Variants in LIMA1 observed in about 807,000 individuals in gnomAD.
The protein encoded by LIMA1 is LIM domain and actin-binding protein 1.
A neutral mutation model predicts 62.6 loss-of-function variants in LIMA1; 52 were observed. The observed-to-expected ratio is 0.83, with a 90% CI of 0.67 to 1.05. The LOEUF (loss-of-function observed/expected upper bound fraction) is 1.05, where lower values mean the gene tolerates loss of function less well. Ranked by LOEUF, LIMA1 falls within the 50% of genes least tolerant of loss-of-function variation. LIMA1 has a pLI of 0.00. For missense variants in LIMA1, 780 were observed against 902.2 expected (o/e 0.86, Z 1.74); for synonymous variants, 302 against 317.8 (o/e 0.95, Z 0.53).
At chr12:50,255,448 C>T (rs1009220077) in intron 1 of LIMA1, among the ~76,000 whole-genome samples, 5 of 150,898 alleles carry the variant, frequency 3.3e-5, no homozygotes, top group Admixed American at 1.3e-4. Flanking sequence ...GTCCCAGCTA[C>T]TCAAGAGGCT....
intron 3 of LIMA1, among the ~76,000 whole-genome samples, chr12:50,227,137 T>C (rs140580358): frequency 1.6e-4 from 24 of 152,134 alleles, no homozygotes; most frequent in African/African-American, 4.8e-4. Context: ...TATCTCTAGA[T>C]AGACATCTCT....
At chr12:50,224,895 C>CTTTTTTT (rs1565848543) in intron 3 of LIMA1, among the ~76,000 whole-genome samples, 1 of 142,704 alleles carries the variant, frequency 7.0e-6, no homozygotes, top group African/African-American at 2.7e-5. Context: ...GCATGCCTGG[C>CTTTTTTT]ATTTTTTTTT....
intron 10 of LIMA1, 73 bp downstream of exon 10, chr12:50,181,831 C>A: frequency 1.3e-6 from 2 of 1,514,652 alleles, no homozygotes; most frequent in Non-Finnish European, 1.8e-6. Context: ...CTTTTAGCAC[C>A]AGTGCTCTAA....
At chr12:50,189,552 C>T (rs546728340) in intron 9 of LIMA1, 9 of 152,292 alleles carry the variant, frequency 5.9e-5, no homozygotes, top group South Asian at 2.1e-4. Context: ...GTAATCCAAA[C>T]GAGTGAAGTA....
Position 50,177,769 on chromosome 12 carries a change from G to A in LIMA1, c.1575C>T (p.Thr525=), listed in dbSNP as rs1940386324. The change falls in exon 11 of 11, where the codon ACC becomes ACT. Residue 525 remains threonine (T), a synonymous_variant. Coordinates refer to ENST00000341247, the MANE Select transcript of LIMA1 (RefSeq NM_016357.5). ...GTGGCCAGGCGATCCTCAGCTTCTT[G>A]GTTTCAGCTGGCTTGTCTTCCTTCT... ...QQEKEDKPAE[T]KKLRIAWPPP... is the part of the protein sequence containing the mutation. 2 of 1,613,998 alleles carry A rather than the reference G, an allele frequency of 1.2e-6. No homozygotes were observed. The highest frequency in any genetic ancestry group is 2.7e-5 in the African/African-American group (2 of 74,896).
At chr12:50,226,834 T>C (rs1327820190) in intron 3 of LIMA1, among the ~76,000 whole-genome samples, 1 of 141,306 alleles carries the variant, frequency 7.1e-6, no homozygotes, top group Non-Finnish European at 1.5e-5. Flanking sequence ...CAAGATTCCA[T>C]ATGAAAAAAA....
At chr12:50,267,401 G>A (rs1360500386) in intron 1 of LIMA1, among the ~76,000 whole-genome samples, 2 of 151,722 alleles carry the variant, frequency 1.3e-5, no homozygotes, top group Non-Finnish European at 2.9e-5. Flanking sequence ...TTTTTTTTTA[G>A]AGATAGGGTT....
chr12:50,193,515 GATATATATACACATATATGAT>G (rs1258406670), intron 8 of LIMA1, among the ~76,000 whole-genome samples: 1 of 110,624 alleles, frequency 9.0e-6, no homozygotes, highest in African/African-American at 3.6e-5. Context: ...GTGTATATAT[GATATATATACACATATATGAT>G]ATATATATAC....
intron 3 of LIMA1, chr12:50,224,531 G>A (rs1353687678): frequency 6.6e-6 from 1 of 152,200 alleles, no homozygotes; most frequent in Non-Finnish European, 1.5e-5. Flanking sequence ...CAATGGATGA[G>A]TCATCTAGGT....
intron 3 of LIMA1, among the ~76,000 whole-genome samples, chr12:50,228,165 G>A (rs1170402630): frequency 6.6e-6 from 1 of 152,046 alleles, no homozygotes; most frequent in Non-Finnish European, 1.5e-5. Flanking sequence ...GCCTGATATG[G>A]TACTTATCAC....
chr12:50,199,322 C>A (rs1940994676), intron 7 of LIMA1, among the ~76,000 whole-genome samples: 1 of 152,180 alleles, frequency 6.6e-6, no homozygotes, highest in Non-Finnish European at 1.5e-5. Flanking sequence ...CAGAGCGAGA[C>A]TCCATCTCCA....
intron 1 of LIMA1, among the ~76,000 whole-genome samples, chr12:50,263,656 T>A (rs902369896): frequency 6.6e-6 from 1 of 151,672 alleles, no homozygotes; most frequent in African/African-American, 2.4e-5. Context: ...AGCGAGGACG[T>A]GGAGAAACTG....
chr12:50,238,032 G>T (rs184629448), intron 2 of LIMA1, among the ~76,000 whole-genome samples: 1 of 152,188 alleles, frequency 6.6e-6, no homozygotes, highest in Admixed American at 6.5e-5. Flanking sequence ...ATGATTTTTT[G>T]AAATTTATTT....
intron 3 of LIMA1, among the ~76,000 whole-genome samples, chr12:50,228,995 T>A (rs1941571178): frequency 6.6e-6 from 1 of 152,186 alleles, no homozygotes; most frequent in Non-Finnish European, 1.5e-5. Flanking sequence ...GTTCTGGGAT[T>A]ACAGGCACAA....
chr12:50,220,635 T>C (rs1941425026), intron 4 of LIMA1: 1 of 152,216 alleles, frequency 6.6e-6, no homozygotes, highest in Non-Finnish European at 1.5e-5. Flanking sequence ...AGACTTACAA[T>C]GGTGCTTTGA....
In LIMA1 at chr12:50,258,555, C is replaced by T. The variant is rs527493139; in HGVS notation, c.-23-9781G>A. 7.9e-5 allele frequency among the ~76,000 whole-genome samples: 12 copies of T among 152,142 alleles called. No individual in the cohort carries two copies. In the East Asian group the frequency reaches 1.3e-3, roughly 17 times the overall value. On this transcript the variant is annotated intron_variant, in intron 1 of 10. Transcript: ENST00000341247. ...TAAGTGATCCTCACGCCTCAGCCTC[C>T]CAAAGTGCTGGGATTATAGGTGTGA...
At chr12:50,203,300 T>C (rs1184387722) in intron 6 of LIMA1, among the ~76,000 whole-genome samples, 1 of 151,130 alleles carries the variant, frequency 6.6e-6, no homozygotes, top group Non-Finnish European at 1.5e-5. Flanking sequence ...CGGTGTGAGC[T>C]CCTGCGCCTG....
At chr12:50,250,613 G>A (rs1941917943) in intron 1 of LIMA1, among the ~76,000 whole-genome samples, 1 of 147,754 alleles carries the variant, frequency 6.8e-6, no homozygotes, top group Non-Finnish European at 1.5e-5. Context: ...AATAAGCAAT[G>A]GACAATTCTA....
At chr12:50,248,823 A>G (rs1039268963) in intron 1 of LIMA1, 49 bp from the exon 2 acceptor site, 11 of 953,596 alleles carry the variant, frequency 1.2e-5, no homozygotes, top group Non-Finnish European at 1.9e-5. Flanking sequence ...AGGATTCTCC[A>G]ACATCCAAGG....
Sources: allele counts gnomAD v4.1 joint callset (sites outside exome capture counted in the v4.1 genomes callset), GRCh38; gene constraint gnomAD v4.1.1; transcripts MANE v1.5; gene names NCBI Gene and HGNC (gene_info 2026-07-23, HGNC 2026-07-21).